The following SH3KBP1 variants were observed in gnomAD, a reference collection of about 807,000 sequenced individuals.
The protein encoded by SH3KBP1 is SH3 domain-containing kinase-binding protein 1.
SH3KBP1 carries 8 observed loss-of-function variants against 50.1 expected under a neutral mutation model. That is an observed-to-expected ratio of 0.16 (90% CI 0.09 to 0.29). The LOEUF is 0.29. SH3KBP1 is among the 10% of genes least tolerant of loss of function. The probability of loss-of-function intolerance (pLI) is 1.00; values close to 1 mark genes in which losing one functional copy is unlikely to be tolerated. For missense variants in SH3KBP1, 377 were observed against 535.2 expected (o/e 0.70, Z 2.92); for synonymous variants, 227 against 218.6 (o/e 1.04, Z -0.34).
intron 11 of SH3KBP1, among the ~76,000 whole-genome samples, chrX:19,591,022 T>A (rs903010310): frequency 3.7e-5 from 4 of 108,127 alleles, no homozygotes; most frequent in Non-Finnish European, 5.7e-5. Flanking sequence ...CTGGTTTTTT[T>A]CTTCAATCCG....
chrX:19,612,085 T>TC (rs1220980679), intron 8 of SH3KBP1, among the ~76,000 whole-genome samples: 1 of 110,257 alleles, frequency 9.1e-6, no homozygotes, highest in African/African-American at 3.3e-5. Flanking sequence ...GGCATTTTTT[T>TC]CCCCCAGCAA....
chrX:19,877,515 A>C (rs1345222289), intron 1 of SH3KBP1, among the ~76,000 whole-genome samples: 1 of 111,935 alleles, frequency 8.9e-6, no homozygotes, highest in African/African-American at 3.3e-5. Context: ...TAGACAGGAC[A>C]CTAAGCTAAT....
intron 2 of SH3KBP1, among the ~76,000 whole-genome samples, chrX:19,773,856 GAAAAAAAAAAAAA>G (rs59381892): frequency 0.14 from 2,065 of 14,828 alleles, 48 homozygotes; most frequent in Non-Finnish European, 0.18. Context: ...ACTCCGGCTC[GAAAAAAAAAAAAA>G]AAAAAAAAAA....
intron 13 of SH3KBP1, among the ~76,000 whole-genome samples, chrX:19,565,183 TC>T (rs1165111349): frequency 6.7e-5 from 7 of 104,329 alleles, no homozygotes; most frequent in African/African-American, 2.5e-4. Flanking sequence ...TGCCTCAGCC[TC>T]CCAAGTAGCT....
chrX:19,776,548 T>G (rs1441677292), intron 2 of SH3KBP1, among the ~76,000 whole-genome samples: 2 of 86,030 alleles, frequency 2.3e-5, no homozygotes, highest in African/African-American at 4.4e-5. Context: ...TTTTTTTTTT[T>G]TTTTTTTTTT....
At chrX:19,614,462 T>G (rs1452512949) in intron 8 of SH3KBP1, among the ~76,000 whole-genome samples, 1 of 112,005 alleles carries the variant, frequency 8.9e-6, no homozygotes, top group Non-Finnish European at 1.9e-5. Context: ...TACAAAGCCA[T>G]GTACTAGATG....
chrX:19,639,674 C>A (rs1412719399), intron 7 of SH3KBP1, among the ~76,000 whole-genome samples: 1 of 110,368 alleles, frequency 9.1e-6, no homozygotes, highest in East Asian at 2.8e-4. Flanking sequence ...GAGGTGGGTA[C>A]CCCTGGGACA....
intron 2 of SH3KBP1, among the ~76,000 whole-genome samples, chrX:19,757,145 C>G (rs1352651920): frequency 1.3e-5 from 1 of 74,717 alleles, no homozygotes; most frequent in Admixed American, 1.5e-4. Flanking sequence ...TTATTGACTG[C>G]TTTTTTTTTT....
intron 9 of SH3KBP1, among the ~76,000 whole-genome samples, chrX:19,596,662 T>G (rs972736500): frequency 8.9e-6 from 1 of 112,307 alleles, no homozygotes; most frequent in African/African-American, 3.2e-5. Context: ...CGCCACTGCT[T>G]TATCACTAAG....
At chrX:19,759,719 T>C (rs1291701481) in intron 2 of SH3KBP1, among the ~76,000 whole-genome samples, 2 of 111,078 alleles carry the variant, frequency 1.8e-5, no homozygotes, top group Non-Finnish European at 1.9e-5. Flanking sequence ...GGATTTTACA[T>C]TGTTTCAGTG....
intron 3 of SH3KBP1, among the ~76,000 whole-genome samples, chrX:19,728,899 A>G (rs1456194296): frequency 2.7e-5 from 3 of 112,358 alleles, no homozygotes; most frequent in Non-Finnish European, 5.6e-5. Context: ...CATACTAGAA[A>G]CTTCTCAACC....
chrX:19,607,013 C>T (rs993481642), intron 9 of SH3KBP1, among the ~76,000 whole-genome samples: 4 of 112,952 alleles, frequency 3.5e-5, no homozygotes, highest in Non-Finnish European at 3.7e-5. Context: ...GGCGCCAACA[C>T]CATCTAGCTT....
chrX:19,603,298 G>A (rs1026374140), intron 9 of SH3KBP1, among the ~76,000 whole-genome samples: 2 of 112,364 alleles, frequency 1.8e-5, no homozygotes, highest in Middle Eastern at 4.6e-3. Flanking sequence ...CCGGATAAAC[G>A]TGGCTTCTGG....
intron 13 of SH3KBP1, among the ~76,000 whole-genome samples, chrX:19,558,821 T>C (rs757592513): frequency 4.5e-5 from 5 of 112,242 alleles, no homozygotes; most frequent in Non-Finnish European, 7.5e-5. Flanking sequence ...TTTTTAAGCA[T>C]GACAAAACAG....
chrX:19,579,738 A>G (rs369988334), intron 12 of SH3KBP1, among the ~76,000 whole-genome samples: 17 of 111,707 alleles, frequency 1.5e-4, no homozygotes, highest in Admixed American at 1.3e-3. Context: ...AGATGTCCCT[A>G]AAGTATGACA....
chrX:19,598,236 T>G (rs1403856914), intron 9 of SH3KBP1, among the ~76,000 whole-genome samples: 1 of 81,648 alleles, frequency 1.2e-5, no homozygotes, highest in Non-Finnish European at 2.6e-5. Context: ...TGTTTTTATT[T>G]ATTTATTTAT....
At chrX:19,718,473 GGC>G (rs1261721566) in intron 3 of SH3KBP1, among the ~76,000 whole-genome samples, 3 of 111,744 alleles carry the variant, frequency 2.7e-5, no homozygotes, top group Non-Finnish European at 5.6e-5. Flanking sequence ...CTTCAGGGGA[GGC>G]AGATTGGGGG....
At chrX:19,572,477 T>C (rs1002489085) in intron 12 of SH3KBP1, among the ~76,000 whole-genome samples, 1 of 106,553 alleles carries the variant, frequency 9.4e-6, no homozygotes, top group East Asian at 2.8e-4. Context: ...ATACTATATA[T>C]AGTACATATA....
At chrX:19,859,119 G>A (rs930377725) in intron 1 of SH3KBP1, among the ~76,000 whole-genome samples, 1 of 110,581 alleles carries the variant, frequency 9.0e-6, no homozygotes, top group Non-Finnish European at 1.9e-5. Context: ...TAGAAAATAT[G>A]AGAGCACATC....
Sources: gnomAD v4.1 joint callset for allele counts (sites outside exome capture counted in the v4.1 genomes callset) on GRCh38, gnomAD v4.1.1 for gene constraint, MANE v1.5 for transcripts, NCBI Gene and HGNC (gene_info 2026-07-23, HGNC 2026-07-21) for gene names.